OPCML: variants seen among roughly 807,000 people sequenced by gnomAD.
OPCML encodes the protein opioid-binding protein/cell adhesion molecule.
A neutral mutation model predicts 37.8 loss-of-function variants in OPCML; 13 were observed. That is an observed-to-expected ratio of 0.34 (90% CI 0.22 to 0.55). OPCML has a LOEUF of 0.55. Ranked by LOEUF, OPCML falls within the 20% of genes least tolerant of loss-of-function variation. OPCML has a pLI of 0.91. For synonymous variants in OPCML, 176 were observed against 168.8 expected (o/e 1.04, Z -0.33); for missense variants, 341 against 435.6 (o/e 0.78, Z 1.93).
At chr11:133,191,504 GGTGTGTGT>G (rs56143154) in intron 1 of OPCML, among the ~76,000 whole-genome samples, 4 of 142,360 alleles carry the variant, frequency 2.8e-5, no homozygotes, top group Admixed American at 7.0e-5. Context: ...TGTGTGTGTG[GGTGTGTGT>G]GTGTGTGTGT....
chr11:132,428,857 A>G (rs903293411), intron 7 of OPCML, among the ~76,000 whole-genome samples: 1 of 152,238 alleles, frequency 6.6e-6, no homozygotes, highest in Non-Finnish European at 1.5e-5. Context: ...GACACTCGAT[A>G]GCTGGCAGCT....
intron 1 of OPCML, among the ~76,000 whole-genome samples, chr11:133,438,093 T>C (rs1946282346): frequency 6.6e-6 from 1 of 152,240 alleles, no homozygotes; most frequent in Non-Finnish European, 1.5e-5. Context: ...TAACTGTTGA[T>C]GCTTGATGTT....
At chr11:132,808,593 C>T (rs1320511807) in intron 2 of OPCML, among the ~76,000 whole-genome samples, 2 of 152,132 alleles carry the variant, frequency 1.3e-5, no homozygotes, top group African/African-American at 4.8e-5. Flanking sequence ...GATGAAGCTT[C>T]CACTTTCCTA....
chr11:133,181,864 C>T (rs1937847867), intron 1 of OPCML, among the ~76,000 whole-genome samples: 1 of 152,180 alleles, frequency 6.6e-6, no homozygotes, highest in Non-Finnish European at 1.5e-5. Flanking sequence ...TGGAAGGCAG[C>T]CCCGATGCTG....
At chr11:132,531,367 T>C (rs1011272915) in intron 3 of OPCML, among the ~76,000 whole-genome samples, 2 of 152,200 alleles carry the variant, frequency 1.3e-5, no homozygotes, top group African/African-American at 4.8e-5. Flanking sequence ...TTATTTGTAC[T>C]GCCAATTTAA....
intron 2 of OPCML, among the ~76,000 whole-genome samples, chr11:132,756,237 A>G (rs1188701436): frequency 6.6e-6 from 1 of 152,176 alleles, no homozygotes; most frequent in African/African-American, 2.4e-5. Context: ...AAATACTCGG[A>G]TGCTAGTGAT....
At chr11:133,185,074 C>T (rs370941569) in intron 1 of OPCML, among the ~76,000 whole-genome samples, 78 of 152,310 alleles carry the variant, frequency 5.1e-4, no homozygotes, top group African/African-American at 1.9e-3. Context: ...AAACCTCATA[C>T]TCACAAAAGT....
intron 2 of OPCML, among the ~76,000 whole-genome samples, chr11:132,841,021 G>A (rs1181591235): frequency 1.3e-5 from 2 of 152,124 alleles, no homozygotes; most frequent in Non-Finnish European, 2.9e-5. Context: ...TAACCTCAGA[G>A]TCGTCATCGT....
At chr11:133,373,794 C>T (rs2136758942) in intron 1 of OPCML, among the ~76,000 whole-genome samples, 1 of 152,190 alleles carries the variant, frequency 6.6e-6, no homozygotes, top group Middle Eastern at 3.4e-3. Flanking sequence ...TGCCTTTTCT[C>T]TTATGTTATG....
chr11:132,481,121 A>G (rs1000617109), intron 4 of OPCML, among the ~76,000 whole-genome samples: 9 of 152,268 alleles, frequency 5.9e-5, no homozygotes, highest in Admixed American at 2.0e-4. Context: ...AAAAGACACA[A>G]ACTGACAAAT....
intron 3 of OPCML, among the ~76,000 whole-genome samples, chr11:132,605,891 G>A (rs780642183): frequency 1.3e-5 from 2 of 152,194 alleles, no homozygotes; most frequent in African/African-American, 4.8e-5. Flanking sequence ...AATGAGAAGA[G>A]CAAAGTCCAT....
intron 2 of OPCML, among the ~76,000 whole-genome samples, chr11:132,840,838 G>A (rs116033292): frequency 6.6e-6 from 1 of 151,978 alleles, no homozygotes; most frequent in South Asian, 2.1e-4. Flanking sequence ...TGATGAGGCC[G>A]CTGAAAAAAA....
chr11:133,429,446 C>T (rs1298689570), intron 1 of OPCML, among the ~76,000 whole-genome samples: 7 of 152,228 alleles, frequency 4.6e-5, no homozygotes, highest in Admixed American at 6.5e-5. Flanking sequence ...TTGGAAGGCA[C>T]GGGACAGAGG....
intron 1 of OPCML, among the ~76,000 whole-genome samples, chr11:133,239,437 A>G (rs1346613199): frequency 6.6e-6 from 1 of 152,186 alleles, no homozygotes; most frequent in Non-Finnish European, 1.5e-5. Flanking sequence ...TGCTGGGTTT[A>G]GTGGAGTAGA....
At chr11:133,458,278 A>C (rs561132488) in intron 1 of OPCML, among the ~76,000 whole-genome samples, 840 of 74,632 alleles carry the variant, frequency 0.011, 116 homozygotes, top group Middle Eastern at 0.025. Flanking sequence ...ATATATACAC[A>C]CATATATACA....
chr11:132,982,902 G>T (rs1591877783), intron 1 of OPCML, among the ~76,000 whole-genome samples: 1 of 152,126 alleles, frequency 6.6e-6, no homozygotes, highest in Non-Finnish European at 1.5e-5. Flanking sequence ...GAGCTTTCTT[G>T]GGTGGCTTGG....
At chr11:133,480,583 G>A (rs1450560583) in intron 1 of OPCML, among the ~76,000 whole-genome samples, 1 of 152,184 alleles carries the variant, frequency 6.6e-6, no homozygotes, top group African/African-American at 2.4e-5. Flanking sequence ...CTCTTGTTCT[G>A]ACTGTAAAAT....
intron 2 of OPCML, among the ~76,000 whole-genome samples, chr11:132,751,467 A>G (rs1207400620): frequency 6.6e-6 from 1 of 152,222 alleles, no homozygotes. Flanking sequence ...GTCAAATACT[A>G]AATTCATTGT....
At chr11:132,901,598 T>A (rs957237329) in intron 2 of OPCML, among the ~76,000 whole-genome samples, 1 of 152,150 alleles carries the variant, frequency 6.6e-6, no homozygotes, top group African/African-American at 2.4e-5. Context: ...GGCAACAAAT[T>A]TGGGGTGCAG....
Sources: gnomAD v4.1 joint callset for allele counts (sites outside exome capture counted in the v4.1 genomes callset) on GRCh38, gnomAD v4.1.1 for gene constraint, MANE v1.5 for transcripts, NCBI Gene and HGNC (gene_info 2026-07-23, HGNC 2026-07-21) for gene names.